EIF2B2: variants seen among roughly 807,000 people sequenced by gnomAD.
EIF2B2 encodes the protein translation initiation factor eIF2B subunit beta.
EIF2B2 carries 34 observed loss-of-function variants against 34.7 expected under a neutral mutation model. The ratio of observed to expected loss-of-function variants is 0.98; its 90% CI spans 0.75 to 1.31. EIF2B2 has a LOEUF of 1.31. Ranked by LOEUF, EIF2B2 falls within the 50% of genes most tolerant of loss-of-function variation. The probability of loss-of-function intolerance (pLI) is 0.00; values close to 1 mark genes in which losing one functional copy is unlikely to be tolerated. For missense variants in EIF2B2, 361 were observed against 447.7 expected (o/e 0.81, Z 1.75); for synonymous variants, 155 against 171.6 (o/e 0.90, Z 0.76).
chr14:75,005,827 ACT>A lies in EIF2B2; in HGVS notation c.598-36_598-35del, dbSNP rs749497005. On this transcript the variant is annotated intron_variant, in intron 4 of 7. Transcript: ENST00000266126. ...TTGAGAGCACTTTTCACTATTTCTC[ACT>A]CTTTCTCTTAGAATCAGCCTTTCCC... 1.9e-5 allele frequency: 29 copies of A among 1,489,850 alleles called. No individual in the cohort carries two copies. The East Asian group carries it at 6.6e-4, about 34-fold the overall frequency. The allele number at this position is 1,489,850 out of a possible 1,614,324, so 92.3% of individuals were successfully genotyped here.
intron 4 of EIF2B2, among the ~76,000 whole-genome samples, chr14:75,005,468 T>C (rs1269091806): frequency 6.6e-6 from 1 of 152,082 alleles, no homozygotes; most frequent in Non-Finnish European, 1.5e-5. Context: ...ACCTTGGGGA[T>C]GACTAATGCT....
rs1889570363 is a variant in EIF2B2 at position 75,003,363 on chromosome 14, A to G, written c.252A>G (p.Arg84=). The G allele has an allele frequency of 3.7e-6, 6 of 1,613,480 alleles. No homozygotes were observed. The highest frequency in any genetic ancestry group is 5.1e-6 in the Non-Finnish European group (6 of 1,179,960). ...CCACCGTGGGCAACATGGTGCGGAG[A>G]GTGCTCAAGATTATCCGGGAGGAGT... The part of the protein sequence containing the change: ...SETTVGNMVR[R]VLKIIREEYG... Residue 84 remains arginine (R), a synonymous_variant, in exon 2 of 8, where the codon AGA becomes AGG. Transcript: ENST00000266126.
chr14:75,009,620 A>G lies in EIF2B2; in HGVS notation c.*432A>G, dbSNP rs1213012858. The G allele has an allele frequency of 3.8e-6, 1 of 264,490 alleles. No homozygotes were observed. The highest frequency in any genetic ancestry group is 7.4e-6 in the Non-Finnish European group (1 of 135,330). The allele number at this position is 264,490 out of a possible 1,614,324, so 16.4% of individuals were successfully genotyped here. A position where few individuals can be genotyped will look rare whatever the true frequency, so the allele number is the denominator to read the frequency against. ...TTGGTTTATTTATTGTCCTACTCTG[A>G]CAGAACTGCTTGAAACAGCAGCAGC... is the stretch of plus-strand genomic sequence containing the variant. On this transcript the variant is annotated 3_prime_UTR_variant, in exon 8 of 8. Transcript: ENST00000266126.
Position 75,006,211 on chromosome 14 carries a change from C to T in EIF2B2, c.693+250C>T. On this transcript the variant is annotated intron_variant, in intron 5 of 7. Coordinates refer to ENST00000266126, the MANE Select transcript of EIF2B2 (RefSeq NM_014239.4). This position sits in a 1 kb window ranked among gnomAD's most constrained non-coding sequence, Gnocchi z 4.1. ...AATGAAGTATTAAATAGAACTAAGG[C>T]AAGAGTGTCAGTTTCTAGGGATTGG... 2 of 516,194 alleles carry T rather than the reference C, an allele frequency of 3.9e-6. No individual in the cohort carries two copies. Among genetic ancestry groups the T allele is most frequent in the Non-Finnish European group, 7.0e-6 (2 of 286,784 alleles). 32.0% of individuals were successfully genotyped at this position (516,194 alleles called of 1,614,324 possible).
chr14:75,009,457 C>A lies in EIF2B2; in HGVS notation c.*269C>A. Reference sequence around the variant, plus strand: ...CTTAGTGACCTGGTTGCGTCTGTGTCAGGAACTTAAACTTTCTGGTTCAGT... The same window carrying A: ...CTTAGTGACCTGGTTGCGTCTGTGTAAGGAACTTAAACTTTCTGGTTCAGT... On this transcript the variant is annotated 3_prime_UTR_variant, in exon 8 of 8. Transcript: ENST00000266126. 2.1e-6 allele frequency: 1 copy of A among 470,178 alleles called. No homozygotes were observed. The allele number at this position is 470,178 out of a possible 1,614,324, so 29.1% of individuals were successfully genotyped here.
chr14:75,010,503 T>C lies in EIF2B2; in HGVS notation c.*1315T>C, dbSNP rs1889690471. 1 of 152,230 alleles carries C rather than the reference T, an allele frequency of 6.6e-6. No individual in the cohort carries two copies. The highest frequency in any genetic ancestry group is 1.5e-5 in the Non-Finnish European group (1 of 68,036). 9.4% of individuals were successfully genotyped at this position (152,230 alleles called of 1,614,324 possible). A position where few individuals can be genotyped will look rare whatever the true frequency, so the allele number is the denominator to read the frequency against. ...GTGTCTGGATTGAAGGCATTTGGGC[T>C]GGTTCACTGCATTTAATGTGAATTT... On this transcript the variant is annotated 3_prime_UTR_variant, in exon 8 of 8. Coordinates refer to ENST00000266126, the MANE Select transcript of EIF2B2 (RefSeq NM_014239.4).
chr14:75,007,282 A>C, intron 6 of EIF2B2: 1 of 358,420 alleles, frequency 2.8e-6, no homozygotes, highest in South Asian at 2.2e-5. Flanking sequence ...CTAGTTTCAA[A>C]ACTTTTTCTC....
chr14:75,006,763 A>G lies in EIF2B2; in HGVS notation c.831+49A>G. ...GAAGCCAGCAGAAAAGAAGGAAGCC[A>G]AAGGGTAGGCTTGAACTCTGGGACT... On this transcript the variant is annotated intron_variant, in intron 6 of 7. Transcript: ENST00000266126. This position sits in a 1 kb window ranked among gnomAD's most constrained non-coding sequence, Gnocchi z 4.1. The G allele has an allele frequency of 6.2e-7, 1 of 1,612,408 alleles. No homozygotes were observed. The highest frequency in any genetic ancestry group is 8.5e-7 in the Non-Finnish European group (1 of 1,179,670).
Position 75,003,317 on chromosome 14 carries a change from C to G in EIF2B2, c.206C>G (p.Thr69Arg), listed in dbSNP as rs781626544. ...ATCCGCAGAGAGGGCAGGAGGATGA[C>G]GGCCGCTCAGCCCTCCGAGACCACC... ...ELIRREGRRM[T>R]AAQPSETTVG... The change falls in exon 2 of 8, where the codon ACG becomes AGG. Residue 69 changes from threonine (T) to arginine (R), a missense_variant. Transcript: ENST00000266126. 1 of 1,613,866 alleles carries G rather than the reference C, an allele frequency of 6.2e-7. No individual in the cohort carries two copies. The highest frequency in any genetic ancestry group is 8.5e-7 in the Non-Finnish European group (1 of 1,179,982).
intron 2 of EIF2B2, 42 bp downstream of exon 2, chr14:75,003,437 C>G (rs183116394): frequency 1.2e-6 from 2 of 1,613,918 alleles, no homozygotes; most frequent in East Asian, 2.2e-5. Context: ...TCCAGTGACA[C>G]TTTTTGCACG....
rs1889570727 is a variant in EIF2B2 at position 75,003,380 on chromosome 14, G to A, written c.269G>A (p.Arg90Gln). The A allele has an allele frequency of 3.1e-6, 5 of 1,613,710 alleles. No homozygotes were observed. The highest frequency in any genetic ancestry group is 2.2e-5 in the South Asian group (2 of 91,066). The change falls in exon 2 of 8, where the codon CGG becomes CAG. Residue 90 changes from arginine (R) to glutamine (Q), a missense_variant. Coordinates refer to ENST00000266126, the MANE Select transcript of EIF2B2 (RefSeq NM_014239.4). The stretch of plus-strand genomic sequence containing the variant: ...GTGCGGAGAGTGCTCAAGATTATCC[G>A]GGAGGAGTATGGCAGGTCAGGCTCA... Reference protein sequence around the residue: ...NMVRRVLKIIREEYGRLHGRS... With the variant: ...NMVRRVLKIIQEEYGRLHGRS...
intron 4 of EIF2B2, 43 bp downstream of exon 4, chr14:75,004,943 G>A: frequency 6.2e-7 from 1 of 1,603,298 alleles, no homozygotes; most frequent in Non-Finnish European, 8.5e-7. Flanking sequence ...AATGAAAAAT[G>A]AAGAAGAAAT....
rs1889563879 is a variant in EIF2B2, at chr14:75,003,119, C to G, written c.129C>G (p.Arg43=). 2 of 1,613,370 alleles carry G rather than the reference C, an allele frequency of 1.2e-6. No homozygotes were observed. Among genetic ancestry groups the G allele is most frequent in the Non-Finnish European group, 8.5e-7 (1 of 1,179,950 alleles). Residue 43 remains arginine, a synonymous_variant, in exon 1 of 8, where the codon CGC becomes CGG. Transcript: ENST00000266126. ...EMARETLGLL[R]QIITDHRWSN... ...CTCGGGAGACCCTAGGGTTGCTGCG[C>G]CAGATCATCACGGACCACCGCTGGA...
chr14:75,003,279 G>C lies in EIF2B2; in HGVS notation c.168G>C (p.Glu56Asp). ...CCTCTCTCTTTTGGACTGTAGGGGA[G>C]CTGATGGAGCTGATCCGCAGAGAGG... ...ITDHRWSNAG[E>D]LMELIRREGR... Residue 56 changes from glutamate to aspartate, a missense_variant, in exon 2 of 8, where the codon GAG (glutamate) becomes GAC (aspartate). Transcript: ENST00000266126. The C allele has an allele frequency of 6.2e-7, 1 of 1,613,790 alleles. No homozygotes were observed. The highest frequency in any genetic ancestry group is 8.5e-7 in the Non-Finnish European group (1 of 1,180,014).
chr14:75,007,850 G>A, intron 7 of EIF2B2, 62 bp downstream of exon 7: 1 of 1,540,104 alleles, frequency 6.5e-7, no homozygotes, highest in Non-Finnish European at 8.9e-7. Flanking sequence ...GTGTGTGCAT[G>A]TGTTTTGGTC....
chr14:75,006,980 ACTCC>A lies in EIF2B2; in HGVS notation c.831+269_831+272del, dbSNP rs1452900336. On this transcript the variant is annotated intron_variant, in intron 6 of 7. Transcript: ENST00000266126. The surrounding 1 kb of genome is among the most constrained non-coding windows in gnomAD (Gnocchi z 4.1). ...AGGTCCTTTGCTTACGATTGCCACC[ACTCC>A]CTGTCGCCTGACCATTTCTGAAAAT... is the stretch of plus-strand genomic sequence containing the variant. The A allele has an allele frequency of 3.3e-6, 2 of 602,408 alleles. No homozygotes were observed. The highest frequency in any genetic ancestry group is 6.2e-6 in the Non-Finnish European group (2 of 323,286). The allele number at this position is 602,408 out of a possible 1,614,324, so 37.3% of individuals were successfully genotyped here.
rs1889704991 is a variant in EIF2B2 at position 75,011,587 on chromosome 14, G to A, written c.*2399G>A. On this transcript the variant is annotated 3_prime_UTR_variant, in exon 8 of 8. Transcript: ENST00000266126. ...ATCTTTGCCTTAGGTCTTCCAGAGA[G>A]GGGAAAAAAGTAAGACCTCAGAAAG... 6.6e-6 allele frequency: 1 copy of A among 152,136 alleles called. No homozygotes were observed. The highest frequency in any genetic ancestry group is 6.5e-5 in the Admixed American group (1 of 15,270). The allele number at this position is 152,136 out of a possible 1,614,324, so 9.4% of individuals were successfully genotyped here. A position where few individuals can be genotyped will look rare whatever the true frequency, so the allele number is the denominator to read the frequency against.
intron 1 of EIF2B2, 52 bp downstream of exon 1, chr14:75,003,205 C>A: frequency 6.2e-7 from 1 of 1,613,360 alleles, no homozygotes; most frequent in Non-Finnish European, 8.5e-7. Flanking sequence ...TGTTCCCGAT[C>A]CCAGGGCTGA....
At position 75,009,267 on chromosome 14, in the gene EIF2B2, A is replaced by T. The variant is rs1231146832; in HGVS notation, c.*79A>T. The stretch of plus-strand genomic sequence containing the variant: ...GACTTGAGTGTTGCTGCTGAAGCAC[A>T]TCCTTGCAATGTGGGAGTGCACAGG... On this transcript the variant is annotated 3_prime_UTR_variant, in exon 8 of 8. Coordinates refer to ENST00000266126, the MANE Select transcript of EIF2B2 (RefSeq NM_014239.4). 1.9e-6 allele frequency: 3 copies of T among 1,560,794 alleles called. No homozygotes were observed. The highest frequency in any genetic ancestry group is 2.6e-6 in the Non-Finnish European group (3 of 1,136,194).
Sources: allele counts gnomAD v4.1 joint callset (sites outside exome capture counted in the v4.1 genomes callset), GRCh38; gene constraint gnomAD v4.1.1; non-coding constraint Gnocchi (gnomAD v3.1); transcripts MANE v1.5; gene names NCBI Gene and HGNC (gene_info 2026-07-23, HGNC 2026-07-21).